LITAF: variants seen among roughly 807,000 people sequenced by gnomAD.
The protein encoded by LITAF is lipopolysaccharide induced TNF factor.
Under a neutral mutation model 14.5 loss-of-function variants are expected in LITAF, and 9 were observed. The ratio of observed to expected loss-of-function variants is 0.62; its 90% CI spans 0.37 to 1.08. The LOEUF is 1.08. LITAF is among the 50% of genes least tolerant of loss of function. The pLI, the probability that LITAF is intolerant of heterozygous loss-of-function variation, is 0.01. For missense variants in LITAF, 206 were observed against 213.4 expected (o/e 0.97, Z 0.22); for synonymous variants, 98 against 88.2 (o/e 1.11, Z -0.62).
At chr16:11,637,986 A>ATATATATC (rs1184735005), upstream of LITAF, among the ~76,000 whole-genome samples, 20 of 53,864 alleles carry the variant, frequency 3.7e-4, 1 homozygote, top group South Asian at 4.8e-3. Flanking sequence ...ATATATATCT[A>ATATATATC]TATATATCTA....
rs116033968 is a variant in LITAF at position 11,547,846 on chromosome 16, G to A, written c.*1791C>T. ...TAGCAAATCCACCCAACTCAACATCGGTCATCTTGACATTGCAGGATATTC... is the reference window on the plus strand; with the variant it reads ...TAGCAAATCCACCCAACTCAACATCAGTCATCTTGACATTGCAGGATATTC... On this transcript the variant is annotated 3_prime_UTR_variant, in exon 4 of 4. Transcript: ENST00000622633. The A allele has an allele frequency of 3.8e-3, 1,707 of 453,962 alleles. 37 individuals carry two copies. The highest frequency in any genetic ancestry group is 0.032 in the African/African-American group (1,592 of 50,062). 28.1% of individuals were successfully genotyped at this position (453,962 alleles called of 1,614,324 possible).
intron 1 of LITAF, among the ~76,000 whole-genome samples, chr16:11,582,668 C>T (rs2064756238): frequency 6.6e-6 from 1 of 152,160 alleles, no homozygotes; most frequent in East Asian, 1.9e-4. Context: ...AAGAAGGGCA[C>T]TCACATGCAA....
rs1346240855 is a variant in LITAF, at chr16:11,559,308, T to A, written c.-5-2573A>T. The stretch of plus-strand genomic sequence containing the variant: ...TGAGTGAAGAACTGAATTTTTTTTG[T>A]TTTAGCTTCTTTTTCATCTTTTTAC... On this transcript the variant is annotated intron_variant, in intron 1 of 3. Coordinates refer to ENST00000622633, the MANE Select transcript of LITAF (RefSeq NM_001136472.2). Among the ~76,000 whole-genome samples the A allele has an allele frequency of 2.6e-5, 4 of 152,234 alleles. No homozygotes were observed. In the East Asian group the frequency reaches 7.7e-4, roughly 29 times the overall value.
intron 3 of LITAF, among the ~76,000 whole-genome samples, chr16:11,624,146 ATT>A (rs1477208935): frequency 6.6e-6 from 1 of 151,832 alleles, no homozygotes; most frequent in Non-Finnish European, 1.5e-5. Flanking sequence ...TAAATAAATA[ATT>A]TCTCTCTCTC....
At chr16:11,579,498 A>G (rs1379898511) in intron 1 of LITAF, among the ~76,000 whole-genome samples, 1 of 132,278 alleles carries the variant, frequency 7.6e-6, no homozygotes, top group South Asian at 2.6e-4. Context: ...ATAAAATAAA[A>G]TAAAATAAAA....
intron 3 of LITAF, among the ~76,000 whole-genome samples, chr16:11,611,783 C>T (rs1335433645): frequency 6.6e-6 from 1 of 152,120 alleles, no homozygotes. Flanking sequence ...CTGCCTCAGC[C>T]TCCTGAGTAG....
chr16:11,554,949 A>G (rs1193984065), intron 2 of LITAF, among the ~76,000 whole-genome samples: 1 of 152,180 alleles, frequency 6.6e-6, no homozygotes, highest in African/African-American at 2.4e-5. Context: ...ATTACTGCCT[A>G]GAGTTAACTG....
chr16:11,559,136 G>C (rs1053758200), intron 1 of LITAF, among the ~76,000 whole-genome samples: 2 of 151,656 alleles, frequency 1.3e-5, no homozygotes, highest in African/African-American at 4.9e-5. Context: ...CACACTTCTG[G>C]TCCCAGCTAC....
intron 3 of LITAF, among the ~76,000 whole-genome samples, chr16:11,621,259 T>C (rs1302631197): frequency 6.6e-6 from 1 of 152,180 alleles, no homozygotes; most frequent in Non-Finnish European, 1.5e-5. Flanking sequence ...GGACAGGATT[T>C]CTCCATGTTG....
intron 1 of LITAF, among the ~76,000 whole-genome samples, chr16:11,557,074 G>GTTTTTTT (rs112158406): frequency 2.8e-3 from 413 of 149,312 alleles, no homozygotes; most frequent in African/African-American, 9.8e-3. Context: ...GTTTTTTTTT[G>GTTTTTTT]TTTGTTTTTT....
chr16:11,561,616 C>T (rs1388896475), intron 1 of LITAF: 1 of 152,198 alleles, frequency 6.6e-6, no homozygotes, highest in African/African-American at 2.4e-5. Context: ...GTAAAAAAGA[C>T]TCATAACCGC....
At chr16:11,616,720 G>T (rs998350268) in intron 3 of LITAF, among the ~76,000 whole-genome samples, 1 of 151,774 alleles carries the variant, frequency 6.6e-6, no homozygotes, top group Non-Finnish European at 1.5e-5. Flanking sequence ...TGCCCGGAGT[G>T]GGCAACATAG....
chr16:11,611,519 C>T (rs527336459), intron 3 of LITAF, among the ~76,000 whole-genome samples: 10 of 152,322 alleles, frequency 6.6e-5, no homozygotes, highest in South Asian at 4.1e-4. Context: ...ATCTAGCAGC[C>T]TTTCCCCTAG....
At chr16:11,563,005 G>A (rs1384106152) in intron 1 of LITAF, among the ~76,000 whole-genome samples, 5 of 151,596 alleles carry the variant, frequency 3.3e-5, no homozygotes, top group Non-Finnish European at 5.9e-5. Context: ...GCACAAACTT[G>A]TAGTCCCAGC....
chr16:11,602,672 G>T (rs960354729), upstream of LITAF, among the ~76,000 whole-genome samples: 2 of 150,348 alleles, frequency 1.3e-5, no homozygotes, highest in African/African-American at 4.9e-5. Context: ...CATGCCACAA[G>T]TATGGTTGAG....
At chr16:11,591,763 C>A (rs2064847822), upstream of LITAF, among the ~76,000 whole-genome samples, 1 of 152,046 alleles carries the variant, frequency 6.6e-6, no homozygotes, top group Non-Finnish European at 1.5e-5. Flanking sequence ...GCCTCAGCCT[C>A]CCAGGTAGCT....
chr16:11,566,620 C>A (rs894100891), intron 1 of LITAF, among the ~76,000 whole-genome samples: 1 of 152,096 alleles, frequency 6.6e-6, no homozygotes, highest in Non-Finnish European at 1.5e-5. Context: ...AACAAATCAG[C>A]TGGGCGTGAT....
At chr16:11,612,306 C>A (rs1002557729) in intron 3 of LITAF, among the ~76,000 whole-genome samples, 1 of 152,180 alleles carries the variant, frequency 6.6e-6, no homozygotes, top group Non-Finnish European at 1.5e-5. Context: ...TCCTGGGAGC[C>A]GCAGCAGGCT....
In LITAF at chr16:11,549,051, A is replaced by AC. The variant is rs1555465872; in HGVS notation, c.*585_*586insG. 2.3e-6 allele frequency: 1 copy of AC among 430,816 alleles called. No homozygotes were observed. Among genetic ancestry groups the AC allele is most frequent in the Non-Finnish European group, 4.6e-6 (1 of 218,584 alleles). 26.7% of individuals were successfully genotyped at this position (430,816 alleles called of 1,614,324 possible). A position where few individuals can be genotyped will look rare whatever the true frequency, so the allele number is the denominator to read the frequency against. ...TGGGTGTTAATAGCCCCCTCCTTGT[A>AC]TTTAAAAAAAAAATTAAGAAATTAA... On this transcript the variant is annotated 3_prime_UTR_variant, in exon 4 of 4. Coordinates refer to ENST00000622633, the MANE Select transcript of LITAF (RefSeq NM_001136472.2). This position sits in a 1 kb window ranked among gnomAD's most constrained non-coding sequence, Gnocchi z 4.6.
Sources: allele counts gnomAD v4.1 joint callset (sites outside exome capture counted in the v4.1 genomes callset), GRCh38; gene constraint gnomAD v4.1.1; non-coding constraint Gnocchi (gnomAD v3.1); transcripts MANE v1.5; gene names NCBI Gene and HGNC (gene_info 2026-07-23, HGNC 2026-07-21).